Variants in SPATC1 observed in about 807,000 individuals in gnomAD.
The protein encoded by SPATC1 is speriolin.
SPATC1 carries 35 observed loss-of-function variants against 36.5 expected under a neutral mutation model. The ratio of observed to expected loss-of-function variants is 0.96; its 90% CI spans 0.73 to 1.27. SPATC1 has a LOEUF of 1.27. Ranked by LOEUF, SPATC1 falls within the 50% of genes most tolerant of loss-of-function variation. The probability of loss-of-function intolerance (pLI) is 0.00; values close to 1 mark genes in which losing one functional copy is unlikely to be tolerated. For missense variants in SPATC1, 779 were observed against 796.0 expected (o/e 0.98, Z 0.26); for synonymous variants, 361 against 353.6 (o/e 1.02, Z -0.24).
intron 1 of SPATC1, among the ~76,000 whole-genome samples, chr8:144,019,029 G>A (rs1462611921): frequency 4.5e-5 from 6 of 134,824 alleles, no homozygotes; most frequent in African/African-American, 8.5e-5. Flanking sequence ...GCGACAGAGC[G>A]AGACTCCGTC....
chr8:144,041,121 C>T lies in SPATC1; in HGVS notation c.1306+14C>T, dbSNP rs57818236. The stretch of plus-strand genomic sequence containing the variant: ...AGAACCCCCGAGGTCAGTGACACTG[C>T]GGGCTCCACGCGGGTCGGGCCCCCA... On this transcript the variant is annotated intron_variant, in intron 3 of 4. Coordinates refer to ENST00000377470, the MANE Select transcript of SPATC1 (RefSeq NM_198572.3). 1.3e-3 allele frequency: 1,975 copies of T among 1,579,110 alleles called. 23 individuals carry two copies. The African/African-American group carries it at 0.024, about 19-fold the overall frequency.
chr8:144,041,816 C>T (rs1457726499), intron 4 of SPATC1, among the ~76,000 whole-genome samples: 1 of 152,178 alleles, frequency 6.6e-6, no homozygotes, highest in African/African-American at 2.4e-5. Context: ...CAGCTGCATT[C>T]CCGGCTGCTT....
chr8:144,015,044 T>A (rs1249761953), intron 1 of SPATC1, among the ~76,000 whole-genome samples: 5 of 143,730 alleles, frequency 3.5e-5, no homozygotes, highest in African/African-American at 1.1e-4. Context: ...TATTTAAAAT[T>A]TTTTTTTTTT....
chr8:144,012,096 A>T (rs1554752540), upstream of SPATC1, among the ~76,000 whole-genome samples: 1 of 152,184 alleles, frequency 6.6e-6, no homozygotes, highest in Admixed American at 6.5e-5. Flanking sequence ...CCCTGACCTC[A>T]CTGTAAAGCC....
intron 1 of SPATC1, among the ~76,000 whole-genome samples, chr8:144,018,500 C>T (rs1299412934): frequency 6.6e-6 from 1 of 151,900 alleles, no homozygotes; most frequent in Non-Finnish European, 1.5e-5. Flanking sequence ...AAGAAGAGGC[C>T]AGGAGAGACT....
At chr8:144,030,422 C>A (rs1377001899) in intron 1 of SPATC1, among the ~76,000 whole-genome samples, 1 of 152,224 alleles carries the variant, frequency 6.6e-6, no homozygotes, top group East Asian at 1.9e-4. Flanking sequence ...TGCAGTGGCA[C>A]GTCTCAGCTC....
At chr8:144,026,987 C>CTT (rs1169014232) in intron 1 of SPATC1, among the ~76,000 whole-genome samples, 5,584 of 114,084 alleles carry the variant, frequency 0.049, 180 homozygotes, top group Non-Finnish European at 0.069. Context: ...TTTTTTTTTT[C>CTT]TTTTTTTTTT....
rs1207744653 is a variant in SPATC1 at position 144,046,805 on chromosome 8, C to T, written c.1625C>T (p.Ala542Val). 3.6e-5 allele frequency: 58 copies of T among 1,606,472 alleles called. No homozygotes were observed. Among genetic ancestry groups the T allele is most frequent in the Admixed American group, 5.0e-5 (3 of 59,996 alleles). ...ATCCTGCGAGAGCGCCCGGAGCTGG[C>T]GGCGTCTGAGGGCGGCCCCTACACC... The part of the protein sequence containing the change: ...YGILRERPEL[A>V]ASEGGPYTVD... Residue 542 changes from alanine (A) to valine (V), a missense_variant, in exon 5 of 5, where the codon GCG (alanine) becomes GTG (valine). Physicochemically the swap from Ala to Val is moderately conservative, Grantham distance 64 (BLOSUM62 0). Transcript: ENST00000377470. The surrounding 1 kb of genome is among the most constrained non-coding windows in gnomAD (Gnocchi z 6.6).
chr8:144,019,130 G>A (rs1834452999), intron 1 of SPATC1, among the ~76,000 whole-genome samples: 1 of 151,670 alleles, frequency 6.6e-6, no homozygotes, highest in Non-Finnish European at 1.5e-5. Context: ...GCTGAATGGC[G>A]CAACCATCTT....
intron 1 of SPATC1, among the ~76,000 whole-genome samples, chr8:144,026,785 TA>T (rs1312853123): frequency 6.6e-6 from 1 of 151,728 alleles, no homozygotes; most frequent in African/African-American, 2.4e-5. Flanking sequence ...TGCCCATTTT[TA>T]TTTTTTTAAT....
intron 1 of SPATC1, among the ~76,000 whole-genome samples, chr8:144,015,238 A>T (rs1196433563): frequency 4.0e-5 from 6 of 149,920 alleles, no homozygotes; most frequent in African/African-American, 1.5e-4. Flanking sequence ...TTTAGTAGAG[A>T]TGGAGTTTCA....
intron 1 of SPATC1, among the ~76,000 whole-genome samples, chr8:144,025,396 G>A (rs1834656986): frequency 6.6e-6 from 1 of 152,156 alleles, no homozygotes; most frequent in South Asian, 2.1e-4. Flanking sequence ...ACCTTGCTGA[G>A]AGACCTAAAT....
chr8:144,037,594 G>C, intron 1 of SPATC1, among the ~76,000 whole-genome samples: 1 of 152,090 alleles, frequency 6.6e-6, no homozygotes, highest in Non-Finnish European at 1.5e-5. Context: ...TTGTTAAACA[G>C]ATGCTTGAAG....
chr8:144,031,406 C>T (rs916996941), intron 1 of SPATC1, among the ~76,000 whole-genome samples: 9 of 150,258 alleles, frequency 6.0e-5, no homozygotes, highest in Admixed American at 1.3e-4. Context: ...ATCCCTTGTA[C>T]ATGATGAGTC....
In SPATC1 at chr8:144,046,985, C is replaced by T. The variant is rs1835288268; in HGVS notation, c.*29C>T. On this transcript the variant is annotated 3_prime_UTR_variant, in exon 5 of 5. Transcript: ENST00000377470. The surrounding 1 kb of genome is among the most constrained non-coding windows in gnomAD (Gnocchi z 6.6). ...TGGAGCTGGGAGGTCCAGGCTCGCTCAGCCCCACAGCCCTGTGCACGGCCA... is the reference window on the plus strand; with the variant it reads ...TGGAGCTGGGAGGTCCAGGCTCGCTTAGCCCCACAGCCCTGTGCACGGCCA... The T allele has an allele frequency of 5.1e-6, 8 of 1,575,810 alleles. No individual in the cohort carries two copies. Among genetic ancestry groups the T allele is most frequent in the Admixed American group, 3.4e-5 (2 of 58,948 alleles).
Position 144,046,956 on chromosome 8 carries a change from A to T in SPATC1, c.1776A>T (p.Ter592CysextTer?). Reference protein sequence around the residue: ...HDDGKPMFIW* With the variant: ...HDDGKPMFIWC ...ACGGCAAGCCCATGTTCATCTGGTG[A>T]CGCTGGAGCTGGGAGGTCCAGGCTC... The change falls in exon 5 of 5, where the codon TGA (stop) becomes TGT (cysteine). Residue 592 changes from the stop codon to cysteine (C), a stop_lost. Transcript: ENST00000377470. The surrounding 1 kb of genome is among the most constrained non-coding windows in gnomAD (Gnocchi z 6.6). The T allele has an allele frequency of 6.3e-7, 1 of 1,594,566 alleles. No individual in the cohort carries two copies. Among genetic ancestry groups the T allele is most frequent in the Non-Finnish European group, 8.5e-7 (1 of 1,177,246 alleles).
chr8:144,019,888 C>A (rs1834470020), intron 1 of SPATC1, among the ~76,000 whole-genome samples: 1 of 151,820 alleles, frequency 6.6e-6, no homozygotes, highest in African/African-American at 2.4e-5. Flanking sequence ...CCCCTCAGGG[C>A]CGCCTCGTCC....
chr8:144,040,358 C>T lies in SPATC1; in HGVS notation c.661C>T (p.Leu221=). The change falls in exon 2 of 5, where the codon CTG becomes TTG. Residue 221 remains leucine, a synonymous_variant. Coordinates refer to ENST00000377470, the MANE Select transcript of SPATC1 (RefSeq NM_198572.3). ...CCTGCTGGCCAACCCCATGAGCAACCTGGTCCTGCCAGAGGCCCCAAGGCT... is the reference window on the plus strand; with the variant it reads ...CCTGCTGGCCAACCCCATGAGCAACTTGGTCCTGCCAGAGGCCCCAAGGCT... The part of the protein sequence containing the change: ...QNLLANPMSN[L]VLPEAPRLRL... 1 of 1,612,704 alleles carries T rather than the reference C, an allele frequency of 6.2e-7. No homozygotes were observed. The highest frequency in any genetic ancestry group is 1.1e-5 in the South Asian group (1 of 91,080).
chr8:144,026,251 G>A (rs907294015), intron 1 of SPATC1, among the ~76,000 whole-genome samples: 174 of 152,262 alleles, frequency 1.1e-3, no homozygotes, highest in South Asian at 4.4e-3. Flanking sequence ...TCTTCCATGC[G>A]GTAGCTCCTG....
Sources: gnomAD v4.1 joint callset for allele counts (sites outside exome capture counted in the v4.1 genomes callset) on GRCh38, gnomAD v4.1.1 for gene constraint, Gnocchi (gnomAD v3.1) non-coding constraint, MANE v1.5 for transcripts, NCBI Gene and HGNC (gene_info 2026-07-23, HGNC 2026-07-21) for gene names.